Variants in TBC1D22A observed in about 807,000 individuals in gnomAD.
The protein encoded by TBC1D22A is TBC1 domain family member 22A, also known as putative GTPase activator.
A neutral mutation model predicts 60.2 loss-of-function variants in TBC1D22A; 38 were observed. The observed-to-expected ratio is 0.63, with a 90% confidence interval of 0.49 to 0.83. TBC1D22A has a LOEUF of 0.83. Among genes scored for constraint, TBC1D22A ranks in the 40% least tolerant of loss-of-function variants. The pLI is 0.00. For missense variants in TBC1D22A, 628 were observed against 701.0 expected, an observed-to-expected ratio of 0.90 and a Z score of 1.18; for synonymous variants, 302 against 281.7, an observed-to-expected ratio of 1.07 and a Z score of -0.72.
At chr22:46,768,030 C>T in intron 1 of TBC1D22A, 1 of 152,896 alleles carries the variant, frequency 6.5e-6, no homozygotes, top group Non-Finnish European at 1.5e-5. Context: ...ATATCTTTGG[C>T]TGCTGTACTG....
chr22:47,138,953 C>T (rs771042368), intron 12 of TBC1D22A, among the ~76,000 whole-genome samples: 68 of 152,188 alleles, frequency 4.5e-4, no homozygotes, highest in Non-Finnish European at 2.2e-4. Context: ...ACCACCTTGG[C>T]GTGAGGATTT....
At chr22:47,004,379 C>G (rs192686067) in intron 10 of TBC1D22A, among the ~76,000 whole-genome samples, 1 of 151,458 alleles carries the variant, frequency 6.6e-6, no homozygotes, top group Admixed American at 6.6e-5. Context: ...TATATACACA[C>G]ACCCCTGCAC....
intron 10 of TBC1D22A, among the ~76,000 whole-genome samples, chr22:47,004,892 C>G (rs1249581988): frequency 6.6e-6 from 1 of 151,810 alleles, no homozygotes; most frequent in Non-Finnish European, 1.5e-5. Flanking sequence ...TACACACACC[C>G]CTATATATAC....
chr22:47,118,427 T>C (rs1394810868), intron 12 of TBC1D22A, among the ~76,000 whole-genome samples: 1 of 152,204 alleles, frequency 6.6e-6, no homozygotes, highest in African/African-American at 2.4e-5. Context: ...TGGGTCACAG[T>C]GGAAATGACC....
intron 5 of TBC1D22A, among the ~76,000 whole-genome samples, chr22:46,888,214 G>A (rs954630103): frequency 4.6e-5 from 7 of 152,232 alleles, no homozygotes; most frequent in Non-Finnish European, 7.3e-5. Flanking sequence ...GTGGCTGGAA[G>A]ATGGCTTAGC....
At chr22:47,144,065 T>C (rs79497171) in intron 12 of TBC1D22A, among the ~76,000 whole-genome samples, 4,324 of 152,298 alleles carry the variant, frequency 0.028, 215 homozygotes, top group African/African-American at 0.1. Flanking sequence ...CCGATGTCCC[T>C]AGACGGTGTC....
At chr22:46,883,401 A>G (rs1451342199) in intron 5 of TBC1D22A, among the ~76,000 whole-genome samples, 2 of 152,244 alleles carry the variant, frequency 1.3e-5, no homozygotes, top group Non-Finnish European at 2.9e-5. Context: ...GCATACTTGA[A>G]TGTATTTCAT....
rs2068598126 is a variant in TBC1D22A at position 47,174,293 on chromosome 22, C to T, written c.*667C>T. ...CCAAAGGCTGGGAGCAGAGGGAGGC[C>T]TCGCCATCGCCTTACTTTCCACCTT... On this transcript the variant is annotated 3_prime_UTR_variant, in exon 13 of 13. Transcript: ENST00000337137. 6.6e-6 allele frequency: 1 copy of T among 152,386 alleles called. No homozygotes were observed. The highest frequency in any genetic ancestry group is 1.5e-5 in the Non-Finnish European group (1 of 68,154). 9.4% of individuals were successfully genotyped at this position (152,386 alleles called of 1,614,324 possible). A position where few individuals can be genotyped will look rare whatever the true frequency, so the allele number is the denominator to read the frequency against.
chr22:47,162,974 C>G (rs771317783), intron 12 of TBC1D22A, among the ~76,000 whole-genome samples: 2 of 152,254 alleles, frequency 1.3e-5, no homozygotes, highest in South Asian at 4.1e-4. Flanking sequence ...GCCCAATCTG[C>G]GAACCCCACC....
intron 11 of TBC1D22A, among the ~76,000 whole-genome samples, chr22:47,065,656 A>ACGAGGACTTAGCAGGCCTCGGAGGT: frequency 6.9e-6 from 1 of 145,634 alleles, no homozygotes; most frequent in African/African-American, 2.5e-5. Context: ...GGTTGGATTG[A>ACGAGGACTTAGCAGGCCTCGGAGGT]GGGAGACCTG....
intron 12 of TBC1D22A, among the ~76,000 whole-genome samples, chr22:47,143,790 G>T (rs2067191413): frequency 6.6e-6 from 1 of 152,234 alleles, no homozygotes; most frequent in African/African-American, 2.4e-5. Context: ...TTGAGCATTG[G>T]TCCCTGGAGT....
At chr22:46,903,658 C>G (rs1334547757) in intron 7 of TBC1D22A, among the ~76,000 whole-genome samples, 1 of 152,178 alleles carries the variant, frequency 6.6e-6, no homozygotes, top group Non-Finnish European at 1.5e-5. Context: ...AGGTCTTCCC[C>G]CTGCCTGCCC....
chr22:47,071,282 T>C (rs2063977738), intron 11 of TBC1D22A, among the ~76,000 whole-genome samples: 1 of 152,360 alleles, frequency 6.6e-6, no homozygotes, highest in South Asian at 2.1e-4. Context: ...GCACAGAGTA[T>C]GGCCAGATAC....
At chr22:47,137,806 G>T (rs567017805) in intron 12 of TBC1D22A, among the ~76,000 whole-genome samples, 1 of 152,340 alleles carries the variant, frequency 6.6e-6, no homozygotes, top group East Asian at 1.9e-4. Context: ...GTCCCTGCCA[G>T]TGGGGAGTCG....
At chr22:46,964,924 C>T (rs1031023782) in intron 8 of TBC1D22A, among the ~76,000 whole-genome samples, 3 of 152,236 alleles carry the variant, frequency 2.0e-5, no homozygotes, top group African/African-American at 4.8e-5. Flanking sequence ...GTGAGCTGCA[C>T]GCCCGTTCTT....
intron 12 of TBC1D22A, among the ~76,000 whole-genome samples, chr22:47,157,694 C>T (rs78447709): frequency 6.6e-6 from 1 of 152,220 alleles, no homozygotes; most frequent in Non-Finnish European, 1.5e-5. Flanking sequence ...ACCCTCGCTC[C>T]GAGTCTGCTG....
intron 12 of TBC1D22A, among the ~76,000 whole-genome samples, chr22:47,150,069 G>A (rs370078891): frequency 6.5e-4 from 99 of 152,264 alleles, no homozygotes; most frequent in African/African-American, 2.3e-3. Context: ...TGGTCTTACT[G>A]TTCCTGTCTA....
At chr22:46,993,054 G>A (rs1014721174) in intron 9 of TBC1D22A, among the ~76,000 whole-genome samples, 8 of 152,222 alleles carry the variant, frequency 5.3e-5, no homozygotes, top group African/African-American at 1.9e-4. Flanking sequence ...TGGTCCAGGT[G>A]GAAGAGCACT....
intron 8 of TBC1D22A, among the ~76,000 whole-genome samples, chr22:46,940,535 AATAT>A (rs537628079): frequency 7.0e-6 from 1 of 142,642 alleles, no homozygotes; most frequent in Non-Finnish European, 1.5e-5. Context: ...GGGGCACTAG[AATAT>A]ATATATATGT....
Sources: allele counts gnomAD v4.1 joint callset (sites outside exome capture counted in the v4.1 genomes callset), GRCh38; gene constraint gnomAD v4.1.1; transcripts MANE v1.5; gene names NCBI Gene and HGNC (gene_info 2026-07-23, HGNC 2026-07-21).